RAPGEF2: variants seen among roughly 807,000 people sequenced by gnomAD.
The protein encoded by RAPGEF2 is Rap guanine nucleotide exchange factor 2, also known as PDZ domain containing guanine nucleotide exchange factor (GEF) 1.
RAPGEF2 carries 54 observed loss-of-function variants against 186.7 expected under a neutral mutation model. That is an observed-to-expected ratio of 0.29 (90% CI 0.23 to 0.36). The LOEUF (loss-of-function observed/expected upper bound fraction) is 0.36. RAPGEF2 is among the 10% of genes least tolerant of loss of function. The pLI, the probability that RAPGEF2 is intolerant of heterozygous loss-of-function variation, is 1.00. For missense variants in RAPGEF2, 1,532 were observed against 2,045.0 expected, an observed-to-expected ratio of 0.75 and a Z score of 4.84; for synonymous variants, 712 against 705.9, an observed-to-expected ratio of 1.01 and a Z score of -0.14.
intron 1 of RAPGEF2, among the ~76,000 whole-genome samples, chr4:159,104,553 A>AGAGAGAGAGAGAGAGAGAGAGT: frequency 7.3e-6 from 1 of 136,118 alleles, no homozygotes; most frequent in South Asian, 2.4e-4. Flanking sequence ...AGAGAGAGAG[A>AGAGAGAGAGAGAGAGAGAGAGT]GTGTGTGTGT....
At chr4:159,150,804 G>C (rs1743457102) in intron 1 of RAPGEF2, among the ~76,000 whole-genome samples, 1 of 152,214 alleles carries the variant, frequency 6.6e-6, no homozygotes, top group South Asian at 2.1e-4. Context: ...TGAGGATCCA[G>C]CAGTATTTGG....
At chr4:159,219,175 A>G (rs1751267978) in intron 4 of RAPGEF2, among the ~76,000 whole-genome samples, 1 of 152,152 alleles carries the variant, frequency 6.6e-6, no homozygotes, top group Non-Finnish European at 1.5e-5. Context: ...TAATCCAGCA[A>G]CAGGTATAAA....
At position 159,304,389 on chromosome 4, in the gene RAPGEF2, A is replaced by C. The variant is rs139146857; in HGVS notation, c.591A>C (p.Pro197=). ...TGCATCTTACTGACAGTCTCCACCC[A>C]CAGGTGACCCACGTTTCTTCTAGCC... The part of the protein sequence containing the change: ...TKLHLTDSLH[P]QVTHVSSSHS... The change falls in exon 8 of 30, where the codon CCA becomes CCC. Residue 197 remains proline, a synonymous_variant. Transcript: ENST00000691494. 8.5e-4 allele frequency: 1,364 copies of C among 1,604,400 alleles called. 11 individuals carry two copies. The African/African-American group carries it at 0.016, about 19-fold the overall frequency.
At chr4:159,119,320 A>G (rs766857043) in intron 1 of RAPGEF2, among the ~76,000 whole-genome samples, 21 of 152,258 alleles carry the variant, frequency 1.4e-4, no homozygotes, top group Middle Eastern at 3.4e-3. Context: ...TGGGTGTTAA[A>G]TCCTTTTCTT....
At chr4:159,145,467 T>C (rs375917654) in intron 1 of RAPGEF2, among the ~76,000 whole-genome samples, 1 of 152,230 alleles carries the variant, frequency 6.6e-6, no homozygotes, top group East Asian at 1.9e-4. Context: ...TGAGATAATT[T>C]ACCAAAAACA....
intron 1 of RAPGEF2, among the ~76,000 whole-genome samples, chr4:159,159,613 CT>C (rs57687055): frequency 9.5e-4 from 145 of 152,248 alleles, no homozygotes; most frequent in African/African-American, 3.1e-3. Context: ...CAAGAGGTCT[CT>C]TAAAAAGAGT....
chr4:159,350,069 T>C (rs1255968918), intron 25 of RAPGEF2, 68 bp from the exon 26 acceptor site: 1 of 1,159,842 alleles, frequency 8.6e-7, no homozygotes, highest in Non-Finnish European at 1.2e-6. Context: ...AAAAGTTTTT[T>C]ATTCATAAAT....
intron 4 of RAPGEF2, among the ~76,000 whole-genome samples, chr4:159,215,556 T>G (rs28593688): frequency 0.12 from 18,883 of 152,256 alleles, 2,410 homozygotes; most frequent in African/African-American, 0.32. Flanking sequence ...AAAAAATCAC[T>G]GCTATTGAAA....
chr4:159,260,441 A>T (rs752010689), intron 7 of RAPGEF2, among the ~76,000 whole-genome samples: 1 of 151,994 alleles, frequency 6.6e-6, no homozygotes, highest in Non-Finnish European at 1.5e-5. Flanking sequence ...CTATGATTCT[A>T]TATTATATCA....
chr4:159,183,473 T>C (rs1267915291), intron 1 of RAPGEF2, among the ~76,000 whole-genome samples: 1 of 152,204 alleles, frequency 6.6e-6, no homozygotes, highest in Non-Finnish European at 1.5e-5. Context: ...GAAGAAAATA[T>C]AGTAGTAAAT....
intron 3 of RAPGEF2, among the ~76,000 whole-genome samples, chr4:159,197,677 G>A (rs907956037): frequency 5.3e-5 from 8 of 152,298 alleles, no homozygotes; most frequent in Non-Finnish European, 7.3e-5. Context: ...CCTCAGCTGA[G>A]CTCTTGTTGC....
intron 17 of RAPGEF2, among the ~76,000 whole-genome samples, chr4:159,335,646 GAC>G (rs1164841824): frequency 6.6e-6 from 1 of 151,890 alleles, no homozygotes; most frequent in East Asian, 1.9e-4. Context: ...AGGAGATCGA[GAC>G]CACGGTGAAA....
intron 4 of RAPGEF2, among the ~76,000 whole-genome samples, chr4:159,238,549 A>G (rs2111465181): frequency 6.6e-6 from 1 of 152,332 alleles, no homozygotes; most frequent in African/African-American, 2.4e-5. Flanking sequence ...ACTCATGCTA[A>G]TAATTCTCCT....
At chr4:159,136,092 A>T (rs546995266) in intron 1 of RAPGEF2, among the ~76,000 whole-genome samples, 10 of 152,314 alleles carry the variant, frequency 6.6e-5, no homozygotes, top group African/African-American at 2.4e-4. Context: ...CAGATTTTCC[A>T]CTAATGTTTT....
chr4:159,267,111 A>G, intron 7 of RAPGEF2: 1 of 1,215,638 alleles, frequency 8.2e-7, no homozygotes, highest in Non-Finnish European at 1.1e-6. Context: ...AGAGAAATCC[A>G]CTTACATCAC....
chr4:159,316,736 A>C (rs929698913), intron 9 of RAPGEF2, among the ~76,000 whole-genome samples: 1 of 152,162 alleles, frequency 6.6e-6, no homozygotes, highest in Admixed American at 6.6e-5. Context: ...ATTTAGGTTG[A>C]TTCCATGTCT....
intron 7 of RAPGEF2, among the ~76,000 whole-genome samples, chr4:159,260,434 T>C (rs1756689803): frequency 6.6e-6 from 1 of 152,174 alleles, no homozygotes; most frequent in Non-Finnish European, 1.5e-5. Flanking sequence ...TTTTTTCCTA[T>C]GATTCTATAT....
At chr4:159,270,725 T>G (rs1332439253) in intron 7 of RAPGEF2, among the ~76,000 whole-genome samples, 1 of 152,160 alleles carries the variant, frequency 6.6e-6, no homozygotes, top group Non-Finnish European at 1.5e-5. Flanking sequence ...CTCTTTAAAT[T>G]TTTGGATTAA....
intron 4 of RAPGEF2, among the ~76,000 whole-genome samples, chr4:159,213,015 G>A (rs1304980596): frequency 2.0e-5 from 3 of 152,206 alleles, no homozygotes; most frequent in Non-Finnish European, 4.4e-5. Flanking sequence ...GATGACATAA[G>A]TTATTCTTTT....
Sources: gnomAD v4.1 joint callset for allele counts (sites outside exome capture counted in the v4.1 genomes callset) on GRCh38, gnomAD v4.1.1 for gene constraint, MANE v1.5 for transcripts, NCBI Gene and HGNC (gene_info 2026-07-23, HGNC 2026-07-21) for gene names.